Variants in CPSF3 observed in about 807,000 individuals in gnomAD.
The protein encoded by CPSF3 is cleavage and polyadenylation specific factor 3.
In CPSF3, 57 loss-of-function variants were observed where a neutral mutation model predicts 84.1. The observed-to-expected ratio is 0.68, with a 90% CI of 0.55 to 0.85. The LOEUF (loss-of-function observed/expected upper bound fraction) is 0.85. CPSF3 is among the 40% of genes least tolerant of loss of function. The pLI, the probability that CPSF3 is intolerant of heterozygous loss-of-function variation, is 0.00. For missense variants in CPSF3, 522 were observed against 838.8 expected, an observed-to-expected ratio of 0.62 and a Z score of 4.66; for synonymous variants, 275 against 278.1, an observed-to-expected ratio of 0.99 and a Z score of 0.11.
chr2:9,454,078 A>G (rs1681427422), intron 12 of CPSF3, among the ~76,000 whole-genome samples: 2 of 152,126 alleles, frequency 1.3e-5, no homozygotes, highest in South Asian at 2.1e-4. Flanking sequence ...GGTGATTTAC[A>G]TGGTACTAAT....
rs1467169105 is a variant in CPSF3 at position 9,423,714 on chromosome 2, C to A, written c.-60C>A. 17 of 1,594,112 alleles carry A rather than the reference C, an allele frequency of 1.1e-5. No individual in the cohort carries two copies. The highest frequency in any genetic ancestry group is 1.5e-5 in the Non-Finnish European group (17 of 1,170,324). ...TTTTATTTACCGGTGGCTGTGCTTC[C>A]AATTTAGGAAGACCCCGGCGACCTG... On this transcript the variant is annotated 5_prime_UTR_variant, in exon 1 of 18. Transcript: ENST00000238112.
Position 9,428,794 on chromosome 2 carries a change from GTATTA to G in CPSF3, c.82_86del (p.Ile28SerfsTer28), listed in dbSNP as rs1382449937. 5.0e-6 allele frequency: 8 copies of G among 1,605,216 alleles called. No homozygotes were observed. Among genetic ancestry groups the G allele is most frequent in the Non-Finnish European group, 6.8e-6 (8 of 1,172,230 alleles). On this transcript the variant is annotated frameshift_variant, in exon 2 of 18. Coordinates refer to ENST00000238112, the MANE Select transcript of CPSF3 (RefSeq NM_016207.4). LOFTEE classifies it high-confidence loss of function. ...GCTGGGCAAGAAGTAGGAAGATCAT[GTATTA>G]TTCTCGAGTTCAAAGGAAGAAAAAT...
Position 9,452,833 on chromosome 2 carries a change from A to G in CPSF3, c.1396-80A>G, listed in dbSNP as rs1681379244. 33 of 849,360 alleles carry G rather than the reference A, an allele frequency of 3.9e-5. No individual in the cohort carries two copies. The South Asian group carries it at 5.0e-4, about 13-fold the overall frequency. The allele number at this position is 849,360 out of a possible 1,614,324, so 52.6% of individuals were successfully genotyped here. On this transcript the variant is annotated intron_variant, in intron 11 of 17. Transcript: ENST00000238112. ...ATAGTTCAAAGGTGTTATGGTCTTC[A>G]TTATGATGAACTGCATTTTATTACC... is the stretch of plus-strand genomic sequence containing the variant.
chr2:9,467,444 A>G (rs1682014628), intron 15 of CPSF3, among the ~76,000 whole-genome samples: 1 of 152,194 alleles, frequency 6.6e-6, no homozygotes. Flanking sequence ...TGGTTCTTTA[A>G]TAAGAACATG....
chr2:9,438,720 G>A (rs1211331373), intron 7 of CPSF3, among the ~76,000 whole-genome samples: 1 of 151,734 alleles, frequency 6.6e-6, no homozygotes, highest in East Asian at 1.9e-4. Context: ...GGTCTCGTTA[G>A]TATATATTCT....
At chr2:9,454,364 C>T (rs1472667163) in intron 12 of CPSF3, among the ~76,000 whole-genome samples, 3 of 151,970 alleles carry the variant, frequency 2.0e-5, no homozygotes, top group Non-Finnish European at 2.9e-5. Context: ...GCCGAGATCA[C>T]GCCATTGCAC....
intron 1 of CPSF3, chr2:9,425,072 C>T (rs937898604): frequency 1.3e-5 from 2 of 152,218 alleles, no homozygotes; most frequent in Admixed American, 1.3e-4. Flanking sequence ...AAGGATACCT[C>T]GTGGATCCTG....
At chr2:9,470,346 C>A (rs1380361905) in intron 16 of CPSF3, among the ~76,000 whole-genome samples, 1 of 152,224 alleles carries the variant, frequency 6.6e-6, no homozygotes, top group Non-Finnish European at 1.5e-5. Context: ...CTCCCCACTT[C>A]CCCCGCTTAA....
chr2:9,458,383 G>A (rs1250406241), intron 14 of CPSF3, among the ~76,000 whole-genome samples: 1 of 152,022 alleles, frequency 6.6e-6, no homozygotes, highest in African/African-American at 2.4e-5. Context: ...CAACCTGAGT[G>A]ACAGAGCGAG....
At chr2:9,444,997 TG>T (rs1272328663) in intron 10 of CPSF3, among the ~76,000 whole-genome samples, 1 of 152,186 alleles carries the variant, frequency 6.6e-6, no homozygotes, top group African/African-American at 2.4e-5. Context: ...CGTTTTACTG[TG>T]GTAAAATATC....
chr2:9,446,213 T>C (rs1466640767), intron 10 of CPSF3, among the ~76,000 whole-genome samples: 1 of 152,052 alleles, frequency 6.6e-6, no homozygotes, highest in Non-Finnish European at 1.5e-5. Context: ...GGGAGGCCGA[T>C]GTGGGTGGAT....
chr2:9,471,453 C>A lies in CPSF3; in HGVS notation c.1953+14C>A. 6.8e-7 allele frequency: 1 copy of A among 1,467,866 alleles called. No individual in the cohort carries two copies. The highest frequency in any genetic ancestry group is 1.1e-5 in the South Asian group (1 of 88,020). 90.9% of individuals were successfully genotyped at this position (1,467,866 alleles called of 1,614,324 possible). A position where few individuals can be genotyped will look rare whatever the true frequency, so the allele number is the denominator to read the frequency against. On this transcript the variant is annotated intron_variant, in intron 17 of 17. Coordinates refer to ENST00000238112, the MANE Select transcript of CPSF3 (RefSeq NM_016207.4). ...TTGGAGACACGGGTATGTAGCTGCTCTTTCCTACGTTTCAAGACATTTGGG... is the reference window on the plus strand; with the variant it reads ...TTGGAGACACGGGTATGTAGCTGCTATTTCCTACGTTTCAAGACATTTGGG...
At chr2:9,442,966 C>A (rs1037075697) in intron 9 of CPSF3, among the ~76,000 whole-genome samples, 2 of 152,114 alleles carry the variant, frequency 1.3e-5, no homozygotes, top group African/African-American at 4.8e-5. Context: ...AGTTGGGGAC[C>A]AGCTTGGGCA....
chr2:9,461,760 TTTTTTTTA>T (rs1488348405), intron 15 of CPSF3, among the ~76,000 whole-genome samples: 1 of 145,132 alleles, frequency 6.9e-6, no homozygotes, highest in African/African-American at 2.7e-5. Flanking sequence ...TTTTTTTTTT[TTTTTTTTA>T]AATTTATCTA....
chr2:9,452,735 C>G (rs1681376632), intron 11 of CPSF3, among the ~76,000 whole-genome samples, 178 bp from the exon 12 acceptor site: 1 of 152,178 alleles, frequency 6.6e-6, no homozygotes, highest in Non-Finnish European at 1.5e-5. Context: ...ACATTGGTAG[C>G]AATGCAACTG....
chr2:9,456,580 G>A (rs2124851032), intron 13 of CPSF3, among the ~76,000 whole-genome samples: 1 of 152,350 alleles, frequency 6.6e-6, no homozygotes, highest in African/African-American at 2.4e-5. Flanking sequence ...TACGAAGACA[G>A]AAGGTAGATG....
intron 15 of CPSF3, 80 bp downstream of exon 15, chr2:9,459,698 G>A (rs1470486670): frequency 7.9e-6 from 5 of 632,158 alleles, no homozygotes; most frequent in African/African-American, 2.4e-5. Context: ...CATCCAGGCT[G>A]GAGTGCAGTG....
chr2:9,472,023 AG>A (rs1682187244), intron 17 of CPSF3, among the ~76,000 whole-genome samples: 2 of 147,892 alleles, frequency 1.4e-5, no homozygotes, highest in African/African-American at 5.0e-5. Context: ...AAAAAAAAAA[AG>A]AACTAGAGGC....
intron 3 of CPSF3, 49 bp downstream of exon 3, chr2:9,430,069 C>G: frequency 9.3e-7 from 1 of 1,075,454 alleles, no homozygotes; most frequent in Non-Finnish European, 1.4e-6. Flanking sequence ...CTTTTACTAT[C>G]AAGATCATTC....
Sources: gnomAD v4.1 joint callset for allele counts (sites outside exome capture counted in the v4.1 genomes callset) on GRCh38, gnomAD v4.1.1 for gene constraint, MANE v1.5 for transcripts, NCBI Gene and HGNC (gene_info 2026-07-23, HGNC 2026-07-21) for gene names.